The following PAPSS2 variants were observed in gnomAD, a reference collection of about 807,000 sequenced individuals.
PAPSS2 encodes the protein 3'-phosphoadenosine 5'-phosphosulfate synthase 2.
PAPSS2 carries 61 observed loss-of-function variants against 66.5 expected under a neutral mutation model. That is an observed-to-expected ratio of 0.92 (90% CI 0.75 to 1.14). PAPSS2 has a LOEUF of 1.14. Among genes scored for constraint, PAPSS2 ranks in the 50% most tolerant of loss-of-function variants. PAPSS2 has a pLI of 0.00. For missense variants in PAPSS2, 708 were observed against 789.6 expected, an observed-to-expected ratio of 0.90 and a Z score of 1.24; for synonymous variants, 289 against 287.5, an observed-to-expected ratio of 1.01 and a Z score of -0.05.
intron 9 of PAPSS2, among the ~76,000 whole-genome samples, chr10:87,739,041 G>A (rs764493527): frequency 5.3e-5 from 8 of 151,674 alleles, no homozygotes; most frequent in Non-Finnish European, 7.4e-5. Flanking sequence ...TTTTGCTTTT[G>A]TTGCCCATGT....
intron 1 of PAPSS2, among the ~76,000 whole-genome samples, chr10:87,681,616 CAG>C (rs1227859110): frequency 4.8e-4 from 73 of 152,242 alleles, no homozygotes; most frequent in African/African-American, 1.6e-3. Context: ...AGAAAATTTA[CAG>C]AGTTGTACAA....
intron 1 of PAPSS2, among the ~76,000 whole-genome samples, chr10:87,685,910 A>G (rs1853082580): frequency 1.3e-5 from 2 of 152,070 alleles, no homozygotes; most frequent in Admixed American, 6.6e-5. Flanking sequence ...TGGAGATGAG[A>G]TGTTCTATTT....
At chr10:87,715,391 A>C (rs1429035270) in intron 6 of PAPSS2, among the ~76,000 whole-genome samples, 6 of 152,256 alleles carry the variant, frequency 3.9e-5, no homozygotes. Flanking sequence ...TACATCTGGT[A>C]GAAAAATATA....
chr10:87,717,183 T>C (rs1192472414), intron 7 of PAPSS2, among the ~76,000 whole-genome samples: 1 of 152,208 alleles, frequency 6.6e-6, no homozygotes, highest in East Asian at 1.9e-4. Context: ...TGACACATGC[T>C]GAACACCGAC....
intron 1 of PAPSS2, among the ~76,000 whole-genome samples, chr10:87,666,339 A>G (rs1294497174): frequency 2.0e-5 from 3 of 152,200 alleles, no homozygotes; most frequent in Non-Finnish European, 1.5e-5. Context: ...CAATCTGAAT[A>G]ACCTACCCAT....
At position 87,746,106 on chromosome 10, in the gene PAPSS2, ATT is replaced by A; in HGVS notation, c.*137_*138del. ...TAATGAAGTAAAAGTTGTGTCTATAATTAAAAAAAAATATATATATATACACA... is the reference window on the plus strand; with the variant it reads ...TAATGAAGTAAAAGTTGTGTCTATAAAAAAAAAAATATATATATATACACA... On this transcript the variant is annotated 3_prime_UTR_variant, in exon 13 of 13. Coordinates refer to ENST00000456849, the MANE Select transcript of PAPSS2 (RefSeq NM_001015880.2). The A allele has an allele frequency of 1.4e-6, 1 of 717,222 alleles. No homozygotes were observed. Among genetic ancestry groups the A allele is most frequent in the Non-Finnish European group, 2.2e-6 (1 of 446,048 alleles). 44.4% of individuals were successfully genotyped at this position (717,222 alleles called of 1,614,324 possible).
chr10:87,718,610 C>T (rs1853560628), intron 7 of PAPSS2, among the ~76,000 whole-genome samples: 1 of 152,218 alleles, frequency 6.6e-6, no homozygotes, highest in Admixed American at 6.5e-5. Context: ...AGGGCCCCAG[C>T]CATGTGCCAC....
chr10:87,701,331 T>TTCCTTCCTTC (rs1564716683), intron 1 of PAPSS2, among the ~76,000 whole-genome samples: 5 of 52,138 alleles, frequency 9.6e-5, no homozygotes, highest in Admixed American at 6.6e-4. Context: ...TTCCTTCCTT[T>TTCCTTCCTTC]CTTTCTTTCT....
chr10:87,704,320 C>A (rs1158301672), intron 1 of PAPSS2, among the ~76,000 whole-genome samples: 1 of 152,170 alleles, frequency 6.6e-6, no homozygotes, highest in African/African-American at 2.4e-5. Context: ...TAATTTTGAA[C>A]TGTTTTCGAA....
In PAPSS2 at chr10:87,659,881, C is replaced by CGCTGCTGCTGCTGCTGCTGCTGCT. The variant is rs3217087; in HGVS notation, c.-98_-75dup. On this transcript the variant is annotated 5_prime_UTR_variant, in exon 1 of 13. Coordinates refer to ENST00000456849, the MANE Select transcript of PAPSS2 (RefSeq NM_001015880.2). ...ACCTCCTTCCCGGGAGTCCGGCAGC[C>CGCTGCTGCTGCTGCTGCTGCTGCT]GCTGCTGCTGCTGCTGCTGCTGCTG... 4 of 1,037,638 alleles carry CGCTGCTGCTGCTGCTGCTGCTGCT rather than the reference C, an allele frequency of 3.9e-6. No individual in the cohort carries two copies. Among genetic ancestry groups the CGCTGCTGCTGCTGCTGCTGCTGCT allele is most frequent in the African/African-American group, 3.2e-5 (2 of 63,062 alleles). 64.3% of individuals were successfully genotyped at this position (1,037,638 alleles called of 1,614,324 possible). A position where few individuals can be genotyped will look rare whatever the true frequency, so the allele number is the denominator to read the frequency against.
chr10:87,708,513 C>T (rs1853422411), intron 1 of PAPSS2, among the ~76,000 whole-genome samples: 1 of 152,152 alleles, frequency 6.6e-6, no homozygotes, highest in African/African-American at 2.4e-5. Context: ...TCAACCACCC[C>T]CACCCTAGTA....
intron 1 of PAPSS2, among the ~76,000 whole-genome samples, chr10:87,662,268 G>A (rs2131890641): frequency 6.6e-6 from 1 of 152,248 alleles, no homozygotes. Context: ...AGGCGGAAAA[G>A]GAGATACCTC....
intron 1 of PAPSS2, among the ~76,000 whole-genome samples, chr10:87,695,534 C>T (rs1411211025): frequency 1.3e-5 from 2 of 152,192 alleles, no homozygotes. Flanking sequence ...GCACCCGGGT[C>T]AGGACCAAGG....
At chr10:87,741,090 G>C (rs908350974) in intron 9 of PAPSS2, 145 bp from the exon 10 acceptor site, 1 of 846,062 alleles carries the variant, frequency 1.2e-6, no homozygotes, top group African/African-American at 1.7e-5. Context: ...AGACCAAAAA[G>C]TTTGAGAAAT....
intron 1 of PAPSS2, among the ~76,000 whole-genome samples, chr10:87,662,809 T>C (rs1348432305): frequency 1.3e-5 from 2 of 152,180 alleles, no homozygotes; most frequent in African/African-American, 4.8e-5. Flanking sequence ...AGTGAAAAGA[T>C]ACTGAAAACC....
chr10:87,737,360 C>T (rs543641691), intron 9 of PAPSS2, among the ~76,000 whole-genome samples: 69 of 151,624 alleles, frequency 4.6e-4, no homozygotes, highest in Admixed American at 1.3e-4. Flanking sequence ...AGTTAAAAAA[C>T]GGTGGTTCCT....
At chr10:87,689,170 G>A (rs1319782727) in intron 1 of PAPSS2, among the ~76,000 whole-genome samples, 1 of 151,434 alleles carries the variant, frequency 6.6e-6, no homozygotes, top group Non-Finnish European at 1.5e-5. Context: ...GAGAAACCCC[G>A]TCCCCACTAA....
At chr10:87,724,524 GTCTA>G (rs1012382618) in intron 8 of PAPSS2, among the ~76,000 whole-genome samples, 5 of 151,026 alleles carry the variant, frequency 3.3e-5, no homozygotes, top group Admixed American at 2.6e-4. Context: ...ATATCTGTGT[GTCTA>G]TCTATATACA....
chr10:87,743,991 A>G (rs1853906172), intron 11 of PAPSS2, among the ~76,000 whole-genome samples: 1 of 152,008 alleles, frequency 6.6e-6, no homozygotes, highest in Non-Finnish European at 1.5e-5. Flanking sequence ...AATCCCAGCT[A>G]CTCGGGAAGC....
Sources: allele counts gnomAD v4.1 joint callset (sites outside exome capture counted in the v4.1 genomes callset), GRCh38; gene constraint gnomAD v4.1.1; transcripts MANE v1.5; gene names NCBI Gene and HGNC (gene_info 2026-07-23, HGNC 2026-07-21).